GPM6A: variants seen among roughly 807,000 people sequenced by gnomAD.
GPM6A encodes neuronal membrane glycoprotein M6-a.
GPM6A carries 7 observed loss-of-function variants against 32.1 expected under a neutral mutation model. The ratio of observed to expected loss-of-function variants is 0.22; its 90% CI spans 0.12 to 0.41. GPM6A has a LOEUF of 0.41. Ranked by LOEUF, GPM6A falls within the 10% of genes least tolerant of loss-of-function variation. GPM6A has a pLI of 1.00. For missense variants in GPM6A, 235 were observed against 347.2 expected (o/e 0.68, Z 2.57); for synonymous variants, 130 against 123.4 (o/e 1.05, Z -0.35).
chr4:175,862,979 A>G (rs1736618623), intron 1 of GPM6A, among the ~76,000 whole-genome samples: 2 of 152,018 alleles, frequency 1.3e-5, no homozygotes, highest in African/African-American at 2.4e-5. Context: ...TCTGTTTGTC[A>G]TCTTTCTCTC....
chr4:175,693,342 T>A (rs1419632346), intron 2 of GPM6A, among the ~76,000 whole-genome samples: 1 of 149,482 alleles, frequency 6.7e-6, no homozygotes, highest in Non-Finnish European at 1.5e-5. Context: ...GAAACAGGAG[T>A]ATTATAGAAG....
At chr4:175,914,870 C>T (rs965196401) in intron 1 of GPM6A, among the ~76,000 whole-genome samples, 14 of 152,054 alleles carry the variant, frequency 9.2e-5, no homozygotes, top group African/African-American at 3.4e-4. Context: ...TGTTTGCGGC[C>T]CCAACATTTT....
rs577869952 is a variant in GPM6A, at chr4:175,822,369, T to C, written c.-22-10120A>G. ...TACATAATGCCTTTTTAAAAAGCTG[T>C]CCACTTTAGGAGAATCGTTTATTAA... is the stretch of plus-strand genomic sequence containing the variant. On this transcript the variant is annotated intron_variant, in intron 1 of 7. Coordinates refer to the GPM6A transcript ENST00000280187. Among the ~76,000 whole-genome samples, 10 of 152,262 alleles carry C rather than the reference T, an allele frequency of 6.6e-5. No homozygotes were observed. In the East Asian group the frequency reaches 1.9e-3, roughly 29 times the overall value.
Position 175,633,423 on chromosome 4 carries a change from A to G in GPM6A, c.*1482T>C, listed in dbSNP as rs1740409845. The G allele has an allele frequency of 6.6e-6, 1 of 152,470 alleles. No homozygotes were observed. Among genetic ancestry groups the G allele is most frequent in the Non-Finnish European group, 1.5e-5 (1 of 67,922 alleles). 9.4% of individuals were successfully genotyped at this position (152,470 alleles called of 1,614,324 possible). A position where few individuals can be genotyped will look rare whatever the true frequency, so the allele number is the denominator to read the frequency against. Reference sequence around the variant, plus strand: ...GAACTTGTAAAATTACTGATGATGCATGACTAGTCATTGTACAAAGATTGT... The same window carrying G: ...GAACTTGTAAAATTACTGATGATGCGTGACTAGTCATTGTACAAAGATTGT... On this transcript the variant is annotated 3_prime_UTR_variant, in exon 7 of 7. Coordinates refer to ENST00000393658, the MANE Select transcript of GPM6A (RefSeq NM_201591.3).
rs78967986 is a variant in GPM6A, at chr4:175,895,097, C to G, written c.-22-82848G>C. Among the ~76,000 whole-genome samples, 16 of 152,156 alleles carry G rather than the reference C, an allele frequency of 1.1e-4. No individual in the cohort carries two copies. In the East Asian group the frequency reaches 3.1e-3, roughly 29 times the overall value. ...AACCATGAATCAGTGAACTTTAAAG[C>G]AAACTCAAATACTTAAAGGCAAAAC... is the stretch of plus-strand genomic sequence containing the variant. On this transcript the variant is annotated intron_variant, in intron 1 of 7. Transcript: ENST00000280187.
chr4:175,817,253 C>T (rs530209463), upstream of GPM6A, among the ~76,000 whole-genome samples: 1 of 152,346 alleles, frequency 6.6e-6, no homozygotes, highest in East Asian at 1.9e-4. Context: ...GTTACATAAT[C>T]ATAGAAAGCA....
In GPM6A at chr4:175,645,246, A is replaced by G. The variant is rs1741389425; in HGVS notation, c.542-4417T>C. 2.6e-5 allele frequency among the ~76,000 whole-genome samples: 4 copies of G among 152,326 alleles called. No homozygotes were observed. In the South Asian group the frequency reaches 8.3e-4, roughly 32 times the overall value. ...ACCTTATATTTTTCATGCTAGCTAA[A>G]CACAAGTAATATATTTCTGGAATTG... On this transcript the variant is annotated intron_variant, in intron 4 of 6. Transcript: ENST00000393658.
upstream of GPM6A, among the ~76,000 whole-genome samples, chr4:175,813,588 ACAC>A (rs978669350): frequency 1.3e-5 from 2 of 152,072 alleles, no homozygotes; most frequent in Non-Finnish European, 2.9e-5. Flanking sequence ...GCACACACAC[ACAC>A]AAGGACACAC....
At chr4:175,661,926 A>G (rs1742445079) in intron 3 of GPM6A, among the ~76,000 whole-genome samples, 1 of 152,202 alleles carries the variant, frequency 6.6e-6, no homozygotes, top group East Asian at 1.9e-4. Context: ...AGAACTTCAA[A>G]TATTTAAAAA....
At chr4:175,838,231 C>T (rs1735833809) in intron 1 of GPM6A, among the ~76,000 whole-genome samples, 1 of 151,248 alleles carries the variant, frequency 6.6e-6, no homozygotes, top group South Asian at 2.1e-4. Flanking sequence ...ACTTCTTGAT[C>T]TATTCATGAG....
At chr4:175,793,787 C>A (rs879257219) in intron 1 of GPM6A, among the ~76,000 whole-genome samples, 2 of 152,142 alleles carry the variant, frequency 1.3e-5, no homozygotes, top group East Asian at 1.9e-4. Flanking sequence ...AATAGGAGTT[C>A]TTTTCCTCTT....
At chr4:175,837,535 G>T (rs1461561395) in intron 1 of GPM6A, among the ~76,000 whole-genome samples, 1 of 152,136 alleles carries the variant, frequency 6.6e-6, no homozygotes, top group Admixed American at 6.6e-5. Flanking sequence ...TGGGGTTAGT[G>T]AGAAATGGAC....
chr4:175,659,502 A>T (rs749096784), intron 3 of GPM6A, among the ~76,000 whole-genome samples: 3 of 152,168 alleles, frequency 2.0e-5, no homozygotes, highest in Non-Finnish European at 4.4e-5. Context: ...GTCCTTTTTT[A>T]AAAATAGTTA....
intron 1 of GPM6A, among the ~76,000 whole-genome samples, chr4:175,864,024 C>T (rs912150628): frequency 4.0e-5 from 6 of 151,870 alleles, no homozygotes; most frequent in Non-Finnish European, 8.8e-5. Context: ...AAAAAAAATT[C>T]CATTTTATCA....
intron 1 of GPM6A, among the ~76,000 whole-genome samples, chr4:175,977,675 T>C (rs1036380509): frequency 2.6e-5 from 4 of 152,232 alleles, no homozygotes; most frequent in African/African-American, 4.8e-5. Context: ...AATTCTCTTC[T>C]TCCTTCCCAT....
At chr4:175,651,367 T>G (rs928918441) in intron 4 of GPM6A, among the ~76,000 whole-genome samples, 1 of 152,108 alleles carries the variant, frequency 6.6e-6, no homozygotes, top group African/African-American at 2.4e-5. Context: ...TTAGCGTTTT[T>G]TTTTTTGTTT....
intron 1 of GPM6A, among the ~76,000 whole-genome samples, chr4:175,771,714 C>T (rs1733200326): frequency 6.6e-6 from 1 of 152,054 alleles, no homozygotes. Context: ...AGATAGATGG[C>T]TCATTTTATT....
At chr4:175,866,713 A>G (rs1162893980) in intron 1 of GPM6A, among the ~76,000 whole-genome samples, 1 of 152,208 alleles carries the variant, frequency 6.6e-6, no homozygotes, top group Non-Finnish European at 1.5e-5. Flanking sequence ...TTAAGGATAA[A>G]GCTGCTATAA....
rs7654216 is a variant in GPM6A, at chr4:175,801,181, G to A, written c.37+11010C>T. ...AAGCAGTGAATTAATGACCTCACAA[G>A]GATTTTGGAGAATGCTGGGTAAGTT... On this transcript the variant is annotated intron_variant, in intron 1 of 6. Coordinates refer to ENST00000393658, the MANE Select transcript of GPM6A (RefSeq NM_201591.3). 2.1e-3 allele frequency among the ~76,000 whole-genome samples: 314 copies of A among 152,084 alleles called. 1 individual carries two copies. Among genetic ancestry groups the A allele is most frequent in the African/African-American group, 6.8e-3 (284 of 41,512 alleles).
Sources: allele counts gnomAD v4.1 joint callset (sites outside exome capture counted in the v4.1 genomes callset), GRCh38; gene constraint gnomAD v4.1.1; transcripts MANE v1.5; gene names NCBI Gene and HGNC (gene_info 2026-07-23, HGNC 2026-07-21).